The following DSCAML1 variants were observed in gnomAD, a reference collection of about 807,000 sequenced individuals.
DSCAML1 encodes the protein cell adhesion molecule DSCAML1.
A neutral mutation model predicts 200.5 loss-of-function variants in DSCAML1; 38 were observed. The ratio of observed to expected loss-of-function variants is 0.19; its 90% confidence interval spans 0.15 to 0.25. The LOEUF (loss-of-function observed/expected upper bound fraction) is 0.25, where lower values mean the gene tolerates loss of function less well. Ranked by LOEUF, DSCAML1 falls within the 10% of genes least tolerant of loss-of-function variation. The pLI is 1.00. For synonymous variants in DSCAML1, 1,215 were observed against 1,165.0 expected (o/e 1.04, Z -0.87); for missense variants, 2,223 against 2,858.8 (o/e 0.78, Z 5.07).
intron 3 of DSCAML1, among the ~76,000 whole-genome samples, chr11:117,577,636 G>A (rs567945339): frequency 3.4e-5 from 5 of 146,892 alleles, no homozygotes; most frequent in East Asian, 4.1e-4. Flanking sequence ...GTGCAATCTC[G>A]TTTCACTGCA....
intron 3 of DSCAML1, among the ~76,000 whole-genome samples, chr11:117,725,596 T>C (rs983422772): frequency 6.6e-6 from 1 of 152,182 alleles, no homozygotes; most frequent in Middle Eastern, 3.2e-3. Context: ...TGAAAACATA[T>C]CATCCGTTCC....
rs1417957476 is a variant in DSCAML1 at position 117,503,150 on chromosome 11, G to A, written c.2359+695C>T. Among the ~76,000 whole-genome samples, 3 of 152,226 alleles carry A rather than the reference G, an allele frequency of 2.0e-5. No individual in the cohort carries two copies. The highest frequency in any genetic ancestry group is 4.8e-5 in the African/African-American group (2 of 41,474). On this transcript the variant is annotated intron_variant, in intron 11 of 32. Coordinates refer to ENST00000651296, the MANE Select transcript of DSCAML1 (RefSeq NM_020693.4). The surrounding 1 kb of genome is among the most constrained non-coding windows in gnomAD (Gnocchi z 5.2). The stretch of plus-strand genomic sequence containing the variant: ...AAATAGGCAGTGTGCTTCTAGGGCC[G>A]TTGAGGCTGGCTCTGGGCAGGGGGA...
Position 117,450,549 on chromosome 11 carries a change from C to G in DSCAML1, c.3708G>C (p.Pro1236=). 6.2e-7 allele frequency: 1 copy of G among 1,613,790 alleles called. No individual in the cohort carries two copies. The highest frequency in any genetic ancestry group is 8.5e-7 in the Non-Finnish European group (1 of 1,179,882). The stretch of plus-strand genomic sequence containing the variant: ...ATCATCTGGCCCTGAACTCACTTAC[C>G]GGCTGGCCAGACCCGGGGCTGGAAC... ...IFCSSPGSGQ[P]APSEYETSPE... The change falls in exon 20 of 33, where the codon CCG becomes CCC. Residue 1236 remains proline, a splice_region_variant and synonymous_variant. Coordinates refer to ENST00000651296, the MANE Select transcript of DSCAML1 (RefSeq NM_020693.4).
At chr11:117,604,311 AGACCTTT>A (rs58347771) in intron 3 of DSCAML1, among the ~76,000 whole-genome samples, 31,534 of 151,732 alleles carry the variant, frequency 0.21, 3,371 homozygotes, top group South Asian at 0.32. Flanking sequence ...TGCTGCACCC[AGACCTTT>A]GTCACCGAGA....
intron 3 of DSCAML1, among the ~76,000 whole-genome samples, chr11:117,755,585 C>A (rs547188537): frequency 6.6e-6 from 1 of 152,320 alleles, no homozygotes; most frequent in Admixed American, 6.5e-5. Flanking sequence ...TCTATGCAGA[C>A]AACATCTCCT....
chr11:117,667,120 C>T (rs997800204), intron 3 of DSCAML1, among the ~76,000 whole-genome samples: 1 of 152,146 alleles, frequency 6.6e-6, no homozygotes, highest in African/African-American at 2.4e-5. Flanking sequence ...CTGACAAAGT[C>T]AATGTTGGTG....
At chr11:117,501,356 C>T (rs2049390701) in intron 11 of DSCAML1, among the ~76,000 whole-genome samples, 1 of 152,164 alleles carries the variant, frequency 6.6e-6, no homozygotes, top group Admixed American at 6.5e-5. Flanking sequence ...ACCCCGCCCC[C>T]CGACAGTGTT....
At chr11:117,731,937 G>A (rs1420715229) in intron 3 of DSCAML1, among the ~76,000 whole-genome samples, 1 of 152,184 alleles carries the variant, frequency 6.6e-6, no homozygotes, top group East Asian at 1.9e-4. Context: ...GTCTCAGCAT[G>A]GTCCACGCAA....
At chr11:117,703,348 T>C (rs2053700720) in intron 3 of DSCAML1, among the ~76,000 whole-genome samples, 2 of 152,218 alleles carry the variant, frequency 1.3e-5, no homozygotes, top group African/African-American at 4.8e-5. Context: ...GGAATTCTTT[T>C]GTCTGCTCTG....
rs2048888319 is a variant in DSCAML1 at position 117,480,404 on chromosome 11, T to C, written c.2785+39A>G. 4 of 1,610,434 alleles carry C rather than the reference T, an allele frequency of 2.5e-6. No homozygotes were observed. The highest frequency in any genetic ancestry group is 1.1e-5 in the South Asian group (1 of 90,144). ...GCAGGACACGTGGCACAAGGGGCCA[T>C]GGCAGGCCACGCTGTCACCCTCCTG... is the stretch of plus-strand genomic sequence containing the variant. On this transcript the variant is annotated intron_variant, in intron 14 of 32. Coordinates refer to ENST00000651296, the MANE Select transcript of DSCAML1 (RefSeq NM_020693.4). This position sits in a 1 kb window ranked among gnomAD's most constrained non-coding sequence, Gnocchi z 4.1.
chr11:117,488,754 C>T (rs2049130926), intron 11 of DSCAML1, among the ~76,000 whole-genome samples: 1 of 152,228 alleles, frequency 6.6e-6, no homozygotes, highest in African/African-American at 2.4e-5. Flanking sequence ...TGCTGTAGTC[C>T]ATAAGCACAG....
intron 21 of DSCAML1, among the ~76,000 whole-genome samples, chr11:117,441,303 G>A (rs2048041818): frequency 6.6e-6 from 1 of 152,212 alleles, no homozygotes; most frequent in African/African-American, 2.4e-5. Context: ...AGCCACAGCT[G>A]TAGCTAGACC....
At chr11:117,804,062 A>G (rs2055686708) in intron 1 of DSCAML1, among the ~76,000 whole-genome samples, 1 of 152,158 alleles carries the variant, frequency 6.6e-6, no homozygotes, top group African/African-American at 2.4e-5. Flanking sequence ...AGTTGCTACA[A>G]AACACTAGCA....
In DSCAML1 at chr11:117,503,763, AAG is replaced by A. The variant is rs1221587254; in HGVS notation, c.2359+80_2359+81del. On this transcript the variant is annotated intron_variant, in intron 11 of 32. Coordinates refer to ENST00000651296, the MANE Select transcript of DSCAML1 (RefSeq NM_020693.4). The surrounding 1 kb of genome is among the most constrained non-coding windows in gnomAD (Gnocchi z 5.2). ...CTTCATAGATGAAACGACGGAGACT[AAG>A]AGAGTAGGCAGGGAGAGTGCAGAGC... 54 of 1,449,186 alleles carry A rather than the reference AAG, an allele frequency of 3.7e-5. No individual in the cohort carries two copies. The highest frequency in any genetic ancestry group is 6.2e-5 in the Admixed American group (3 of 48,056). 89.8% of individuals were successfully genotyped at this position (1,449,186 alleles called of 1,614,324 possible).
chr11:117,563,298 A>T (rs2050698236), intron 3 of DSCAML1, among the ~76,000 whole-genome samples: 1 of 152,214 alleles, frequency 6.6e-6, no homozygotes, highest in Non-Finnish European at 1.5e-5. Context: ...AACAGCTGAG[A>T]ACCAGATGAA....
chr11:117,685,654 TC>T (rs2053390462), intron 3 of DSCAML1, among the ~76,000 whole-genome samples: 1 of 152,082 alleles, frequency 6.6e-6, no homozygotes, highest in African/African-American at 2.4e-5. Context: ...AGCTCTGAGC[TC>T]CCCGGGAGGA....
At chr11:117,470,879 C>T (rs913436152) in intron 15 of DSCAML1, among the ~76,000 whole-genome samples, 4 of 151,962 alleles carry the variant, frequency 2.6e-5, no homozygotes, top group East Asian at 1.9e-4. Flanking sequence ...AAGCAAGACA[C>T]GGAAGAATAG....
At chr11:117,794,079 T>C (rs1011284051) in intron 1 of DSCAML1, among the ~76,000 whole-genome samples, 5 of 148,968 alleles carry the variant, frequency 3.4e-5, no homozygotes, top group Admixed American at 1.3e-4. Context: ...ATGTTGGAGA[T>C]TTTCTTAATG....
At chr11:117,514,905 A>G (rs2049726710) in intron 8 of DSCAML1, among the ~76,000 whole-genome samples, 1 of 152,182 alleles carries the variant, frequency 6.6e-6, no homozygotes, top group Non-Finnish European at 1.5e-5. Flanking sequence ...CTATGCCTCC[A>G]CTTTCTGCCC....
Sources: allele counts gnomAD v4.1 joint callset (sites outside exome capture counted in the v4.1 genomes callset), GRCh38; gene constraint gnomAD v4.1.1; non-coding constraint Gnocchi (gnomAD v3.1); transcripts MANE v1.5; gene names NCBI Gene and HGNC (gene_info 2026-07-23, HGNC 2026-07-21).